Variants in PTPRD observed in about 807,000 individuals in gnomAD.
PTPRD encodes receptor-type tyrosine-protein phosphatase delta.
A neutral mutation model predicts 214.5 loss-of-function variants in PTPRD; 34 were observed. That is an observed-to-expected ratio of 0.16 (90% CI 0.12 to 0.21). The LOEUF is 0.21. Among genes scored for constraint, PTPRD ranks in the 10% least tolerant of loss-of-function variants. The pLI is 1.00. For synonymous variants in PTPRD, 1,128 were observed against 845.7 expected, an observed-to-expected ratio of 1.33 and a Z score of -5.79; for missense variants, 2,545 against 2,398.7, an observed-to-expected ratio of 1.06 and a Z score of -1.27.
At chr9:9,611,160 G>A (rs2094492557) in intron 7 of PTPRD, among the ~76,000 whole-genome samples, 1 of 151,962 alleles carries the variant, frequency 6.6e-6, no homozygotes, top group South Asian at 2.1e-4. Context: ...GAATATTTAG[G>A]TTGTCTTCAA....
At chr9:9,200,201 G>A (rs191951315) in intron 9 of PTPRD, among the ~76,000 whole-genome samples, 80 of 152,226 alleles carry the variant, frequency 5.3e-4, no homozygotes, top group Middle Eastern at 6.8e-3. Flanking sequence ...CCATGAAGAG[G>A]AGTTTAGAAA....
chr9:9,916,257 G>A lies in PTPRD; in HGVS notation c.-368+22250C>T, dbSNP rs79190427. Among the ~76,000 whole-genome samples, 806 of 151,630 alleles carry A rather than the reference G, an allele frequency of 5.3e-3. 9 individuals are homozygous for A. The highest frequency in any genetic ancestry group is 0.018 in the African/African-American group (763 of 41,368). ...ATTGTAGCTCTAGAAGTAAAAAGGT[G>A]GTAAATACCATCATGGAAACATACA... is the stretch of plus-strand genomic sequence containing the variant. On this transcript the variant is annotated intron_variant, in intron 5 of 45. Coordinates refer to ENST00000381196, the MANE Select transcript of PTPRD (RefSeq NM_002839.4).
intron 12 of PTPRD, among the ~76,000 whole-genome samples, chr9:8,677,081 G>C (rs181670693): frequency 6.6e-6 from 1 of 152,146 alleles, no homozygotes; most frequent in Non-Finnish European, 1.5e-5. Flanking sequence ...GCATACCTAA[G>C]ATAGCCATAA....
chr9:10,007,113 C>T (rs966981474), intron 4 of PTPRD, among the ~76,000 whole-genome samples: 1 of 151,894 alleles, frequency 6.6e-6, no homozygotes, highest in Admixed American at 6.6e-5. Flanking sequence ...CATTAAAGAT[C>T]AAAGAGTTTA....
intron 7 of PTPRD, among the ~76,000 whole-genome samples, chr9:9,696,202 G>C (rs1360256540): frequency 6.6e-6 from 1 of 152,074 alleles, no homozygotes; most frequent in Non-Finnish European, 1.5e-5. Flanking sequence ...AATTTGTTAA[G>C]AATAATTTTG....
chr9:10,380,466 G>C (rs989116946), intron 2 of PTPRD, among the ~76,000 whole-genome samples: 2 of 151,950 alleles, frequency 1.3e-5, no homozygotes, highest in Non-Finnish European at 2.9e-5. Flanking sequence ...GCATCAGAAA[G>C]GTTTATTTAG....
chr9:10,359,678 T>C (rs1170629023), intron 2 of PTPRD, among the ~76,000 whole-genome samples: 1 of 152,170 alleles, frequency 6.6e-6, no homozygotes, highest in Non-Finnish European at 1.5e-5. Context: ...TTGTGTGTGC[T>C]GCAGCGAACT....
intron 3 of PTPRD, among the ~76,000 whole-genome samples, chr9:10,044,500 C>G (rs2097354530): frequency 6.6e-6 from 1 of 151,712 alleles, no homozygotes; most frequent in African/African-American, 2.4e-5. Context: ...TCATTGCTAT[C>G]TGAACAAATG....
At chr9:9,673,267 A>G (rs1031469888) in intron 7 of PTPRD, among the ~76,000 whole-genome samples, 1 of 151,962 alleles carries the variant, frequency 6.6e-6, no homozygotes, top group Non-Finnish European at 1.5e-5. Context: ...CCATTGAACT[A>G]TCAGCTACAG....
At chr9:8,583,736 T>C (rs1167881993) in intron 14 of PTPRD, among the ~76,000 whole-genome samples, 2 of 152,186 alleles carry the variant, frequency 1.3e-5, no homozygotes, top group Non-Finnish European at 2.9e-5. Context: ...GGGAAGAAGA[T>C]AGAGTAGACT....
intron 8 of PTPRD, among the ~76,000 whole-genome samples, chr9:9,474,870 G>A (rs899404690): frequency 1.5e-4 from 23 of 151,950 alleles, no homozygotes; most frequent in African/African-American, 4.1e-4. Context: ...AAGATTATGT[G>A]GTTTGCAAAG....
chr9:10,022,845 A>C (rs903340864), intron 4 of PTPRD, among the ~76,000 whole-genome samples: 19 of 152,176 alleles, frequency 1.2e-4, no homozygotes, highest in African/African-American at 4.3e-4. Flanking sequence ...ATAATTCAAC[A>C]TTATAGAGCA....
At chr9:8,658,114 A>T (rs562153959) in intron 12 of PTPRD, among the ~76,000 whole-genome samples, 1 of 152,260 alleles carries the variant, frequency 6.6e-6, no homozygotes, top group African/African-American at 2.4e-5. Flanking sequence ...TAGAAGTTAA[A>T]CTGATTCTTT....
At chr9:9,851,458 G>A (rs1055866999) in intron 5 of PTPRD, among the ~76,000 whole-genome samples, 2 of 152,060 alleles carry the variant, frequency 1.3e-5, no homozygotes, top group Non-Finnish European at 2.9e-5. Flanking sequence ...TTTTGTTTTG[G>A]TTCAAGTGAA....
chr9:9,312,094 G>C (rs1959173313), intron 9 of PTPRD, among the ~76,000 whole-genome samples: 1 of 152,088 alleles, frequency 6.6e-6, no homozygotes. Context: ...CTCACATTTA[G>C]TTAGTGCCTC....
intron 4 of PTPRD, among the ~76,000 whole-genome samples, chr9:9,978,646 G>C (rs914153222): frequency 1.3e-5 from 2 of 152,088 alleles, no homozygotes; most frequent in Non-Finnish European, 2.9e-5. Flanking sequence ...ATGCACGCAT[G>C]CATGTATAGA....
At chr9:8,640,983 A>C (rs1312495114) in intron 12 of PTPRD, among the ~76,000 whole-genome samples, 1 of 148,378 alleles carries the variant, frequency 6.7e-6, no homozygotes, top group East Asian at 1.9e-4. Flanking sequence ...AGAGAAGACT[A>C]AACTTAATAA....
At chr9:10,157,866 G>A (rs2099103102) in intron 3 of PTPRD, among the ~76,000 whole-genome samples, 2 of 151,600 alleles carry the variant, frequency 1.3e-5, no homozygotes, top group South Asian at 4.2e-4. Flanking sequence ...ATTCTTCTTT[G>A]ACTATCTATT....
intron 3 of PTPRD, among the ~76,000 whole-genome samples, chr9:10,044,003 A>T (rs2097344589): frequency 6.6e-6 from 1 of 151,814 alleles, no homozygotes; most frequent in Non-Finnish European, 1.5e-5. Flanking sequence ...TGTAACAAAT[A>T]TTTAGAGCCT....
Sources: allele counts gnomAD v4.1 joint callset (sites outside exome capture counted in the v4.1 genomes callset), GRCh38; gene constraint gnomAD v4.1.1; transcripts MANE v1.5; gene names NCBI Gene and HGNC (gene_info 2026-07-23, HGNC 2026-07-21).